CPNE4: variants seen among roughly 807,000 people sequenced by gnomAD.
The protein encoded by CPNE4 is copine-4.
CPNE4 carries 25 observed loss-of-function variants against 67.9 expected under a neutral mutation model. The observed-to-expected ratio is 0.37, with a 90% CI of 0.27 to 0.51. The LOEUF is 0.51. Ranked by LOEUF, CPNE4 falls within the 20% of genes least tolerant of loss-of-function variation. The probability of loss-of-function intolerance (pLI) is 0.93; values close to 1 mark genes in which losing one functional copy is unlikely to be tolerated. For missense variants in CPNE4, 464 were observed against 690.8 expected (o/e 0.67, Z 3.68); for synonymous variants, 242 against 244.9 (o/e 0.99, Z 0.11).
At position 131,552,512 on chromosome 3, in the gene CPNE4, A is replaced by T. The variant is rs758398011; in HGVS notation, c.1117-21T>A. 24 of 1,602,832 alleles carry T rather than the reference A, an allele frequency of 1.5e-5. No individual in the cohort carries two copies. The East Asian group carries it at 4.7e-4, about 31-fold the overall frequency. The stretch of plus-strand genomic sequence containing the variant: ...GAGACCTAGACACCGATTAAAATTT[A>T]AAAAACAGGAAGAAAGAAGAATTAC... On this transcript the variant is annotated intron_variant, in intron 12 of 15. Transcript: ENST00000429747.
chr3:131,849,892 G>C (rs2086168745), intron 2 of CPNE4, among the ~76,000 whole-genome samples: 1 of 152,134 alleles, frequency 6.6e-6, no homozygotes, highest in Admixed American at 6.6e-5. Context: ...AGTTTCTGTG[G>C]TTCTTTGTTC....
chr3:131,760,068 T>C (rs1168461133), intron 2 of CPNE4, among the ~76,000 whole-genome samples: 1 of 152,216 alleles, frequency 6.6e-6, no homozygotes, highest in Non-Finnish European at 1.5e-5. Flanking sequence ...GTAAAAATCT[T>C]AGTAACAACT....
At chr3:131,590,120 G>A (rs1938437269) in intron 7 of CPNE4, among the ~76,000 whole-genome samples, 1 of 152,058 alleles carries the variant, frequency 6.6e-6, no homozygotes, top group Non-Finnish European at 1.5e-5. Flanking sequence ...CTCCCAATTT[G>A]CCCTTCTTCC....
At chr3:131,615,891 TCACACA>T (rs746630965) in intron 7 of CPNE4, among the ~76,000 whole-genome samples, 74 of 107,816 alleles carry the variant, frequency 6.9e-4, no homozygotes, top group South Asian at 1.7e-3. Flanking sequence ...TCTCTCTCTC[TCACACA>T]CACACACACA....
At chr3:131,589,163 G>A (rs1471231146) in intron 7 of CPNE4, among the ~76,000 whole-genome samples, 2 of 152,116 alleles carry the variant, frequency 1.3e-5, no homozygotes, top group Non-Finnish European at 1.5e-5. Flanking sequence ...AAGTCCCATC[G>A]TGTTAGGCCA....
At chr3:131,670,349 G>A (rs761400963) in intron 6 of CPNE4, among the ~76,000 whole-genome samples, 10 of 152,166 alleles carry the variant, frequency 6.6e-5, no homozygotes, top group Admixed American at 4.6e-4. Flanking sequence ...CTGGAAAGGC[G>A]TGACAAAGCA....
intron 7 of CPNE4, among the ~76,000 whole-genome samples, chr3:131,590,220 G>A (rs1938443081): frequency 6.6e-6 from 1 of 152,216 alleles, no homozygotes; most frequent in South Asian, 2.1e-4. Flanking sequence ...CTGTGTCCAT[G>A]TTGTGGGGAC....
At chr3:131,948,956 G>T (rs2071639769) in intron 1 of CPNE4, among the ~76,000 whole-genome samples, 1 of 152,210 alleles carries the variant, frequency 6.6e-6, no homozygotes, top group South Asian at 2.1e-4. Context: ...AACAGGTTTT[G>T]CTGTCAGATT....
chr3:131,902,075 TTTATTA>T lies in CPNE4; in HGVS notation c.180+3183_180+3188del, dbSNP rs67648379. On this transcript the variant is annotated intron_variant, in intron 2 of 15. Transcript: ENST00000429747. The stretch of plus-strand genomic sequence containing the variant: ...TTAGCCACCTGGCATGCACTTTGGT[TTTATTA>T]TTATTATTATTATTATATCCTTACT... Among the ~76,000 whole-genome samples, 73 of 150,900 alleles carry T rather than the reference TTTATTA, an allele frequency of 4.8e-4. No homozygotes were observed. In the East Asian group the frequency reaches 8.9e-3, roughly 18 times the overall value.
chr3:131,909,156 T>C (rs1466138397), intron 1 of CPNE4, among the ~76,000 whole-genome samples: 1 of 152,176 alleles, frequency 6.6e-6, no homozygotes, highest in Non-Finnish European at 1.5e-5. Flanking sequence ...AATCAGTTTA[T>C]CTGTGGATTC....
At chr3:132,010,108 A>G (rs892456271) in intron 1 of CPNE4, among the ~76,000 whole-genome samples, 10 of 152,340 alleles carry the variant, frequency 6.6e-5, no homozygotes, top group East Asian at 1.9e-4. Context: ...TCACCTGGCT[A>G]TAAGTTCCGA....
chr3:132,017,876 G>A, intron 1 of CPNE4: 2 of 152,422 alleles, frequency 1.3e-5, no homozygotes, highest in Middle Eastern at 6.8e-3. Context: ...CCACGGGGTG[G>A]GGGCAGGGGA....
intron 2 of CPNE4, among the ~76,000 whole-genome samples, chr3:131,826,360 T>G (rs570724158): frequency 6.6e-6 from 1 of 150,638 alleles, no homozygotes; most frequent in African/African-American, 2.4e-5. Context: ...CCTGGTTAAT[T>G]AAAAAAAAAA....
At chr3:131,599,852 C>T (rs1386401741) in intron 7 of CPNE4, among the ~76,000 whole-genome samples, 1 of 152,192 alleles carries the variant, frequency 6.6e-6, no homozygotes, top group Non-Finnish European at 1.5e-5. Flanking sequence ...GGCTCTGTCT[C>T]CACAGACTCA....
intron 1 of CPNE4, among the ~76,000 whole-genome samples, chr3:131,942,969 T>C (rs1324114778): frequency 6.6e-6 from 1 of 152,178 alleles, no homozygotes; most frequent in Non-Finnish European, 1.5e-5. Flanking sequence ...AATCTATCTA[T>C]TCCTCCATTT....
chr3:131,900,931 C>T (rs933978216), intron 2 of CPNE4, among the ~76,000 whole-genome samples: 1 of 152,110 alleles, frequency 6.6e-6, no homozygotes, highest in Middle Eastern at 3.4e-3. Context: ...TTACTTAGAG[C>T]TTCCAAGAAA....
At chr3:131,886,112 C>A (rs1186593728) in intron 2 of CPNE4, among the ~76,000 whole-genome samples, 1 of 152,204 alleles carries the variant, frequency 6.6e-6, no homozygotes, top group Non-Finnish European at 1.5e-5. Flanking sequence ...GCCTGAAGGC[C>A]TAGGAGGAAG....
At chr3:131,869,094 A>G (rs1202659731) in intron 2 of CPNE4, among the ~76,000 whole-genome samples, 1 of 152,220 alleles carries the variant, frequency 6.6e-6, no homozygotes, top group Non-Finnish European at 1.5e-5. Flanking sequence ...AAATAGAAAA[A>G]GAAGTCCTTA....
At chr3:131,779,171 G>A (rs2083368984) in intron 2 of CPNE4, among the ~76,000 whole-genome samples, 2 of 151,922 alleles carry the variant, frequency 1.3e-5, no homozygotes, top group South Asian at 4.2e-4. Context: ...AAACACTGCT[G>A]AAAGAAATCA....
Sources: gnomAD v4.1 joint callset for allele counts (sites outside exome capture counted in the v4.1 genomes callset) on GRCh38, gnomAD v4.1.1 for gene constraint, MANE v1.5 for transcripts, NCBI Gene and HGNC (gene_info 2026-07-23, HGNC 2026-07-21) for gene names.